The following TENM4 variants were observed in gnomAD, a reference collection of about 807,000 sequenced individuals.
The protein encoded by TENM4 is teneurin transmembrane protein 4.
A neutral mutation model predicts 243.3 loss-of-function variants in TENM4; 82 were observed. That is an observed-to-expected ratio of 0.34 (90% confidence interval 0.28 to 0.40). The LOEUF (loss-of-function observed/expected upper bound fraction) is 0.40. TENM4 is among the 10% of genes least tolerant of loss of function. The probability of loss-of-function intolerance (pLI) is 1.00; values close to 1 mark genes in which losing one functional copy is unlikely to be tolerated. For missense variants in TENM4, 3,138 were observed against 3,673.3 expected (o/e 0.85, Z 3.77); for synonymous variants, 1,412 against 1,456.3 (o/e 0.97, Z 0.69).
At chr11:79,129,357 G>T (rs144890172) in intron 4 of TENM4, among the ~76,000 whole-genome samples, 3 of 152,178 alleles carry the variant, frequency 2.0e-5, no homozygotes, top group African/African-American at 7.2e-5. Flanking sequence ...CAATTTGAAC[G>T]GGGTGAGAAG....
intron 19 of TENM4, among the ~76,000 whole-genome samples, chr11:78,755,638 C>T (rs1348228058): frequency 6.6e-6 from 1 of 152,116 alleles, no homozygotes; most frequent in Non-Finnish European, 1.5e-5. Flanking sequence ...ACCTTGCTCC[C>T]ACCCTGCTCC....
At chr11:79,407,116 G>A (rs1443906107) in intron 1 of TENM4, among the ~76,000 whole-genome samples, 1 of 152,146 alleles carries the variant, frequency 6.6e-6, no homozygotes, top group Admixed American at 6.5e-5. Flanking sequence ...ATTGCTCCAC[G>A]AATATGTATG....
intron 3 of TENM4, among the ~76,000 whole-genome samples, chr11:79,149,733 G>A (rs764110726): frequency 4.0e-5 from 6 of 151,500 alleles, no homozygotes; most frequent in Non-Finnish European, 7.4e-5. Context: ...TCTGGCTGTC[G>A]GGTTGATCTT....
intron 1 of TENM4, among the ~76,000 whole-genome samples, chr11:79,322,389 CT>C (rs1856905680): frequency 6.6e-6 from 1 of 152,230 alleles, no homozygotes; most frequent in Non-Finnish European, 1.5e-5. Flanking sequence ...TGCATTTTCA[CT>C]GTGCAATGAG....
chr11:79,384,751 C>A (rs570805413), intron 1 of TENM4, among the ~76,000 whole-genome samples: 1 of 151,876 alleles, frequency 6.6e-6, no homozygotes, highest in South Asian at 2.1e-4. Flanking sequence ...CATGATGAAA[C>A]CCTGTCTCTA....
At chr11:79,414,233 C>T (rs1858766313) in intron 1 of TENM4, among the ~76,000 whole-genome samples, 1 of 151,990 alleles carries the variant, frequency 6.6e-6, no homozygotes, top group Non-Finnish European at 1.5e-5. Context: ...CCTTCAAAGT[C>T]AAAGCCCTAA....
chr11:79,187,149 T>C (rs150586652), intron 3 of TENM4, among the ~76,000 whole-genome samples: 1,916 of 152,294 alleles, frequency 0.013, 17 homozygotes, highest in Non-Finnish European at 0.02. Context: ...GGTTAATATG[T>C]TTTTGCTGTT....
At chr11:78,884,481 T>C (rs139622892) in intron 9 of TENM4, among the ~76,000 whole-genome samples, 9 of 152,292 alleles carry the variant, frequency 5.9e-5, no homozygotes, top group African/African-American at 1.9e-4. Flanking sequence ...TATAGCATAG[T>C]TGGCTGAAAG....
intron 23 of TENM4, among the ~76,000 whole-genome samples, chr11:78,723,618 G>A (rs1855449763): frequency 6.6e-6 from 1 of 152,182 alleles, no homozygotes; most frequent in Non-Finnish European, 1.5e-5. Flanking sequence ...CAAAATGAGG[G>A]GATTGACCTC....
At chr11:79,154,848 A>G (rs980361390) in intron 3 of TENM4, among the ~76,000 whole-genome samples, 54 of 152,260 alleles carry the variant, frequency 3.5e-4, no homozygotes, top group Admixed American at 3.4e-3. Flanking sequence ...GCCCACCTGT[A>G]TGTTGTCCAC....
At chr11:78,864,596 T>C (rs1858916725) in intron 9 of TENM4, among the ~76,000 whole-genome samples, 1 of 152,332 alleles carries the variant, frequency 6.6e-6, no homozygotes, top group East Asian at 1.9e-4. Context: ...TCATCTCCAA[T>C]AATGTTTGTG....
At chr11:78,713,064 C>T (rs1204322522) in intron 25 of TENM4, among the ~76,000 whole-genome samples, 2 of 152,174 alleles carry the variant, frequency 1.3e-5, no homozygotes, top group Non-Finnish European at 2.9e-5. Flanking sequence ...CTGAGGCCTA[C>T]CACTGGTGTC....
intron 12 of TENM4, among the ~76,000 whole-genome samples, chr11:78,827,883 T>A (rs1358175471): frequency 1.3e-5 from 2 of 152,194 alleles, no homozygotes; most frequent in African/African-American, 4.8e-5. Flanking sequence ...GCAGTTTACT[T>A]CTGTCTTTCA....
At chr11:79,422,592 C>T (rs559262751) in intron 1 of TENM4, among the ~76,000 whole-genome samples, 14 of 152,250 alleles carry the variant, frequency 9.2e-5, no homozygotes, top group Non-Finnish European at 1.9e-4. Flanking sequence ...TCCCTCCACC[C>T]CAAGAGAGAA....
At chr11:78,719,959 T>C (rs949459490) in intron 25 of TENM4, among the ~76,000 whole-genome samples, 23 of 152,202 alleles carry the variant, frequency 1.5e-4, no homozygotes, top group African/African-American at 5.3e-4. Context: ...GAAGTGTAAA[T>C]GTGAAATCTG....
At chr11:78,929,287 G>A (rs1856619962) in intron 6 of TENM4, among the ~76,000 whole-genome samples, 1 of 152,196 alleles carries the variant, frequency 6.6e-6, no homozygotes, top group Admixed American at 6.5e-5. Context: ...CAATCAAACT[G>A]CTTCCATGTG....
intron 3 of TENM4, among the ~76,000 whole-genome samples, chr11:79,212,923 TG>T (rs35751588): frequency 1.3e-5 from 2 of 152,182 alleles, no homozygotes; most frequent in Non-Finnish European, 2.9e-5. Flanking sequence ...AAGGGGCCTC[TG>T]GGCTGCAATG....
At chr11:78,983,457 T>C (rs1195052956) in intron 6 of TENM4, among the ~76,000 whole-genome samples, 3 of 152,098 alleles carry the variant, frequency 2.0e-5, no homozygotes, top group African/African-American at 7.2e-5. Context: ...TGTGCTTTTG[T>C]TTGTCATCCA....
intron 2 of TENM4, among the ~76,000 whole-genome samples, chr11:79,260,168 A>C (rs1031951725): frequency 2.6e-5 from 4 of 152,238 alleles, no homozygotes; most frequent in Non-Finnish European, 4.4e-5. Context: ...ATTTAAGGGC[A>C]TCGGTGAGCC....
Sources: gnomAD v4.1 joint callset for allele counts (sites outside exome capture counted in the v4.1 genomes callset) on GRCh38, gnomAD v4.1.1 for gene constraint, MANE v1.5 for transcripts, NCBI Gene and HGNC (gene_info 2026-07-23, HGNC 2026-07-21) for gene names.